ZNF254: variants seen among roughly 807,000 people sequenced by gnomAD.
ZNF254 encodes the protein zinc finger protein 254.
A neutral mutation model predicts 12.4 loss-of-function variants in ZNF254; 10 were observed. The observed-to-expected ratio is 0.80, with a 90% confidence interval of 0.50 to 1.36. The LOEUF is 1.36. ZNF254 is among the 40% of genes most tolerant of loss of function. ZNF254 has a pLI of 0.00. For missense variants in ZNF254, 996 were observed against 763.9 expected, an observed-to-expected ratio of 1.30 and a Z score of -3.58; for synonymous variants, 305 against 253.4, an observed-to-expected ratio of 1.20 and a Z score of -1.93.
intron 2 of ZNF254, among the ~76,000 whole-genome samples, chr19:24,050,865 A>AT (rs147985147): frequency 1.5e-3 from 217 of 146,208 alleles, no homozygotes; most frequent in African/African-American, 3.8e-3. Context: ...CACCTGGCAA[A>AT]TTTTTTTTAT....
chr19:24,104,111 G>C (rs1188149884), intron 1 of ZNF254: 1 of 152,250 alleles, frequency 6.6e-6, no homozygotes, highest in East Asian at 1.9e-4. Context: ...ACCTGCCTTG[G>C]CCTCCCAAAG....
intron 1 of ZNF254, among the ~76,000 whole-genome samples, chr19:24,088,712 A>C (rs1972178755): frequency 1.3e-5 from 2 of 151,952 alleles, no homozygotes; most frequent in Admixed American, 1.3e-4. Flanking sequence ...GCAGTGGTGC[A>C]GTGGTGTGAT....
chr19:24,103,624 G>A (rs1198733989), intron 1 of ZNF254: 1 of 152,166 alleles, frequency 6.6e-6, no homozygotes, highest in Non-Finnish European at 1.5e-5. Flanking sequence ...TACATTCATT[G>A]AGTTAAGTTC....
rs909560925 is a variant in ZNF254 at position 24,044,334 on chromosome 19, T to C, written c.-189-1850T>C. On this transcript the variant is annotated intron_variant, in intron 1 of 4. Coordinates refer to the ZNF254 transcript ENST00000613065. ...CGGGTGGATCACGAGGTCAGGAGAT[T>C]GAGACCATCCTGGCTAACATGGTGA... 5.5e-4 allele frequency among the ~76,000 whole-genome samples: 83 copies of C among 151,446 alleles called. 3 individuals carry two copies. Among genetic ancestry groups the C allele is most frequent in the Admixed American group, 6.6e-4 (10 of 15,216 alleles).
chr19:24,086,487 A>AT (rs1972045323), upstream of ZNF254, among the ~76,000 whole-genome samples: 2 of 149,154 alleles, frequency 1.3e-5, no homozygotes, highest in Non-Finnish European at 3.0e-5. Flanking sequence ...TTTTTCTTTT[A>AT]TTTTTTTGAG....
intron 2 of ZNF254, chr19:24,080,390 G>C (rs141565152): frequency 1.0e-3 from 154 of 152,348 alleles, no homozygotes; most frequent in African/African-American, 3.5e-3. Context: ...GTTCTGAAGA[G>C]AGCCATCAGC....
chr19:24,090,033 C>T (rs1199449360), intron 1 of ZNF254, among the ~76,000 whole-genome samples: 1 of 122,462 alleles, frequency 8.2e-6, no homozygotes, highest in African/African-American at 3.1e-5. Context: ...ACTAAAAATA[C>T]GAAAAAAAAA....
At chr19:24,087,492 G>A (rs1972099209) in intron 1 of ZNF254, among the ~76,000 whole-genome samples, 155 bp downstream of exon 1, 1 of 152,174 alleles carries the variant, frequency 6.6e-6, no homozygotes. Context: ...TGGCGGCTGC[G>A]CTGACAGCCA....
intron 3 of ZNF254, among the ~76,000 whole-genome samples, chr19:24,116,536 T>C (rs1974088919): frequency 6.6e-6 from 1 of 152,152 alleles, no homozygotes; most frequent in South Asian, 2.1e-4. Flanking sequence ...AGCCTTGGCT[T>C]TCAGCTCCAT....
upstream of ZNF254, among the ~76,000 whole-genome samples, chr19:24,086,442 G>C (rs1307041515): frequency 1.3e-5 from 2 of 151,472 alleles, no homozygotes; most frequent in African/African-American, 2.4e-5. Flanking sequence ...AGAAGCTGGG[G>C]TTATAGGCGT....
chr19:24,052,858 A>C (rs1227384928), intron 2 of ZNF254, among the ~76,000 whole-genome samples: 1 of 152,216 alleles, frequency 6.6e-6, no homozygotes, highest in Non-Finnish European at 1.5e-5. Flanking sequence ...AACCAATAGC[A>C]GATACACTAG....
At chr19:24,117,105 G>C (rs1334877259) in intron 3 of ZNF254, among the ~76,000 whole-genome samples, 1 of 152,176 alleles carries the variant, frequency 6.6e-6, no homozygotes, top group African/African-American at 2.4e-5. Context: ...TCTGCCCCTA[G>C]TGGGGGGTGC....
At chr19:24,100,989 G>A (rs1302385886) in intron 1 of ZNF254, among the ~76,000 whole-genome samples, 2 of 151,902 alleles carry the variant, frequency 1.3e-5, no homozygotes, top group South Asian at 2.1e-4. Context: ...CACCATGCCC[G>A]GCTAATTTTG....
At chr19:24,115,380 A>G (rs1038301303) in intron 3 of ZNF254, among the ~76,000 whole-genome samples, 1 of 152,186 alleles carries the variant, frequency 6.6e-6, no homozygotes, top group African/African-American at 2.4e-5. Context: ...TTGTAGGGAC[A>G]TGGATGAAAT....
intron 1 of ZNF254, among the ~76,000 whole-genome samples, chr19:24,045,600 G>T (rs1354704466): frequency 1.3e-5 from 2 of 151,142 alleles, no homozygotes; most frequent in African/African-American, 4.9e-5. Context: ...CCCGGGACGC[G>T]GAGGTTGCAG....
At chr19:24,118,051 T>TC (rs1974223347) in intron 3 of ZNF254, among the ~76,000 whole-genome samples, 1 of 151,614 alleles carries the variant, frequency 6.6e-6, no homozygotes, top group African/African-American at 2.4e-5. Context: ...TTCTTTTTTT[T>TC]CTTTTCTTTT....
chr19:24,076,739 G>A (rs141214769), intron 2 of ZNF254, among the ~76,000 whole-genome samples: 72 of 152,256 alleles, frequency 4.7e-4, no homozygotes, highest in African/African-American at 1.2e-3. Context: ...TAAGTTTTCC[G>A]TTAATACTTC....
chr19:24,092,349 T>C lies in ZNF254; in HGVS notation c.30+5012T>C, dbSNP rs748265468. Among the ~76,000 whole-genome samples the C allele has an allele frequency of 8.2e-4, 124 of 151,772 alleles. 1 individual carries two copies. Among genetic ancestry groups the C allele is most frequent in the Non-Finnish European group, 5.7e-4 (39 of 67,950 alleles). On this transcript the variant is annotated intron_variant, in intron 1 of 3. Transcript: ENST00000357002. ...CATGCCCAGCTAATTTTTGTATTTT[T>C]AGTAGAGATGGGGTTTTATCATGTT...
At chr19:24,110,770 T>A (rs909713497) in intron 3 of ZNF254, among the ~76,000 whole-genome samples, 16 of 152,114 alleles carry the variant, frequency 1.1e-4, no homozygotes, top group Admixed American at 3.9e-4. Flanking sequence ...TTTATATAAG[T>A]AAAATCATAA....
Sources: allele counts gnomAD v4.1 joint callset (sites outside exome capture counted in the v4.1 genomes callset), GRCh38; gene constraint gnomAD v4.1.1; transcripts MANE v1.5; gene names NCBI Gene and HGNC (gene_info 2026-07-23, HGNC 2026-07-21).